Variants in MYRFL observed in about 807,000 individuals in gnomAD.
MYRFL encodes myelin regulatory factor like.
MYRFL carries 88 observed loss-of-function variants against 109.4 expected under a neutral mutation model. That is an observed-to-expected ratio of 0.80 (90% confidence interval 0.68 to 0.96). The LOEUF (loss-of-function observed/expected upper bound fraction) is 0.96, where lower values mean the gene tolerates loss of function less well. Ranked by LOEUF, MYRFL falls within the 40% of genes least tolerant of loss-of-function variation. MYRFL has a pLI of 0.00. For synonymous variants in MYRFL, 324 were observed against 320.9 expected, an observed-to-expected ratio of 1.01 and a Z score of -0.10; for missense variants, 957 against 954.9, an observed-to-expected ratio of 1.00 and a Z score of -0.03.
chr12:69,897,267 T>A, intron 10 of MYRFL, 21 bp downstream of exon 10: 1 of 1,513,752 alleles, frequency 6.6e-7, no homozygotes, highest in South Asian at 1.2e-5. Flanking sequence ...TTCTCTGACT[T>A]TTCTGGATCT....
At chr12:69,882,039 C>G (rs1886150100) in intron 5 of MYRFL, among the ~76,000 whole-genome samples, 2 of 152,190 alleles carry the variant, frequency 1.3e-5, no homozygotes, top group Non-Finnish European at 2.9e-5. Context: ...CAGATTGCTG[C>G]TCAAATTGTC....
At chr12:69,936,417 T>G (rs1396007841) in intron 18 of MYRFL, 36 bp from the exon 19 acceptor site, 1 of 1,526,568 alleles carries the variant, frequency 6.6e-7, no homozygotes, top group Admixed American at 2.0e-5. Context: ...AGGTTAACCT[T>G]CTTGCTTCCC....
chr12:69,830,752 T>A (rs1882582752), intron 1 of MYRFL, among the ~76,000 whole-genome samples: 1 of 152,158 alleles, frequency 6.6e-6, no homozygotes, highest in African/African-American at 2.4e-5. Context: ...TAATTAGAAT[T>A]TGAAGTGTGC....
chr12:69,892,649 C>T (rs1321740456), intron 7 of MYRFL, among the ~76,000 whole-genome samples: 1 of 152,168 alleles, frequency 6.6e-6, no homozygotes, highest in African/African-American at 2.4e-5. Context: ...ACTGTTCTTG[C>T]ACCAAACTGA....
intron 1 of MYRFL, among the ~76,000 whole-genome samples, chr12:69,849,210 A>T (rs748595295): frequency 4.3e-4 from 65 of 152,352 alleles, no homozygotes; most frequent in Non-Finnish European, 8.1e-4. Context: ...TCTATCATAA[A>T]CATAATATAT....
At chr12:69,935,751 T>G (rs1566037696) in intron 16 of MYRFL, among the ~76,000 whole-genome samples, 2 of 152,170 alleles carry the variant, frequency 1.3e-5, no homozygotes, top group African/African-American at 4.8e-5. Flanking sequence ...CAAACTGTGC[T>G]CTGACTCTTT....
chr12:69,931,665 G>A (rs1459088549), intron 15 of MYRFL, among the ~76,000 whole-genome samples: 2 of 149,058 alleles, frequency 1.3e-5, no homozygotes, highest in Admixed American at 1.3e-4. Flanking sequence ...TTCCCCGGAA[G>A]CAAGCAGATA....
intron 1 of MYRFL, among the ~76,000 whole-genome samples, chr12:69,839,545 G>A (rs570994179): frequency 3.3e-5 from 5 of 152,170 alleles, no homozygotes; most frequent in Admixed American, 6.5e-5. Flanking sequence ...TCAGGAACAC[G>A]TACATTATGT....
At position 69,951,167 on chromosome 12, in the gene MYRFL, C is replaced by T. The variant is rs187003113; in HGVS notation, c.2225-946C>T. On this transcript the variant is annotated intron_variant, in intron 19 of 24. Transcript: ENST00000552032. ...TTGGAAAGGAGGGATCTGTGAGCTG[C>T]AGACCTAGTTGGGGATAGTTTCTTA... Among the ~76,000 whole-genome samples the T allele has an allele frequency of 1.1e-3, 173 of 152,294 alleles. 1 individual carries two copies. The highest frequency in any genetic ancestry group is 0.011 in the Admixed American group (167 of 15,296).
chr12:69,872,868 G>T (rs1485160503), intron 2 of MYRFL, among the ~76,000 whole-genome samples: 2 of 151,922 alleles, frequency 1.3e-5, no homozygotes, highest in East Asian at 3.9e-4. Context: ...CTAACCTCAA[G>T]CAATCCTCCT....
intron 7 of MYRFL, among the ~76,000 whole-genome samples, chr12:69,891,637 T>TTCTTTCTTTCTTTCTTTCTTTC: frequency 3.7e-5 from 2 of 53,786 alleles, no homozygotes; most frequent in East Asian, 5.0e-4. Flanking sequence ...CTTCCTTTCT[T>TTCTTTCTTTCTTTCTTTCTTTC]TTTCTTTCTT....
chr12:69,907,516 G>A (rs986297), intron 11 of MYRFL, among the ~76,000 whole-genome samples: 85,502 of 151,948 alleles, frequency 0.56, 24,246 homozygotes, highest in East Asian at 0.79. Context: ...GGAAAATAGG[G>A]ATTGGGCATA....
intron 10 of MYRFL, among the ~76,000 whole-genome samples, chr12:69,898,308 C>T (rs545970670): frequency 6.6e-6 from 1 of 152,282 alleles, no homozygotes; most frequent in East Asian, 1.9e-4. Context: ...TATGTCTCAA[C>T]GTTGTAATGG....
chr12:69,827,021 A>C (rs937581014), intron 1 of MYRFL, among the ~76,000 whole-genome samples: 7 of 152,098 alleles, frequency 4.6e-5, no homozygotes, highest in Non-Finnish European at 1.0e-4. Context: ...TCTGCAGTCC[A>C]GTGCTCTACC....
intron 1 of MYRFL, among the ~76,000 whole-genome samples, chr12:69,840,461 G>A (rs1883182805): frequency 6.6e-6 from 1 of 152,100 alleles, no homozygotes; most frequent in Admixed American, 6.5e-5. Context: ...TCCCCAAGTT[G>A]TATCAAAAGC....
chr12:69,950,234 C>T (rs1037960451), intron 19 of MYRFL, among the ~76,000 whole-genome samples: 1 of 152,096 alleles, frequency 6.6e-6, no homozygotes, highest in African/African-American at 2.4e-5. Context: ...CATTTTTACC[C>T]ACTCTCTCCA....
rs577057267 is a variant in MYRFL, at chr12:69,825,969, A to T, written c.46+406A>T. On this transcript the variant is annotated intron_variant, in intron 1 of 24. Coordinates refer to ENST00000552032, the MANE Select transcript of MYRFL (RefSeq NM_182530.3). Reference sequence around the variant, plus strand: ...AAGGTATTTTGCATGAGGGAGTATGAGAAGAAGTGAGGGAAGACCTGCTCA... The same window carrying T: ...AAGGTATTTTGCATGAGGGAGTATGTGAAGAAGTGAGGGAAGACCTGCTCA... Among the ~76,000 whole-genome samples the T allele has an allele frequency of 2.0e-5, 3 of 152,224 alleles. No individual in the cohort carries two copies. The South Asian group carries it at 6.2e-4, about 32-fold the overall frequency.
intron 6 of MYRFL, among the ~76,000 whole-genome samples, chr12:69,888,087 T>C (rs1886567354): frequency 6.6e-6 from 1 of 152,220 alleles, no homozygotes; most frequent in Non-Finnish European, 1.5e-5. Context: ...TCAAGGTAAG[T>C]GTTATCCCTC....
At chr12:69,830,232 C>A (rs1882545047) in intron 1 of MYRFL, among the ~76,000 whole-genome samples, 1 of 151,458 alleles carries the variant, frequency 6.6e-6, no homozygotes. Flanking sequence ...TTATATTGTA[C>A]CCAGCATCTT....
Sources: allele counts gnomAD v4.1 joint callset (sites outside exome capture counted in the v4.1 genomes callset), GRCh38; gene constraint gnomAD v4.1.1; transcripts MANE v1.5; gene names NCBI Gene and HGNC (gene_info 2026-07-23, HGNC 2026-07-21).